Variants in MBD5 observed in about 807,000 individuals in gnomAD.
MBD5 encodes methyl-CpG-binding domain protein 5.
MBD5 carries 13 observed loss-of-function variants against 117.3 expected under a neutral mutation model. The observed-to-expected ratio is 0.11, with a 90% confidence interval of 0.07 to 0.18. The LOEUF is 0.18. MBD5 is among the 10% of genes least tolerant of loss of function. The pLI, the probability that MBD5 is intolerant of heterozygous loss-of-function variation, is 1.00. For synonymous variants in MBD5, 727 were observed against 766.4 expected, an observed-to-expected ratio of 0.95 and a Z score of 0.85; for missense variants, 1,879 against 2,093.8, an observed-to-expected ratio of 0.90 and a Z score of 2.00.
At chr2:148,219,913 A>G (rs1474427063) in intron 2 of MBD5, 1 of 152,214 alleles carries the variant, frequency 6.6e-6, no homozygotes, top group African/African-American at 2.4e-5. Context: ...GAGAATGGCT[A>G]AAGATCACCA....
chr2:148,504,343 C>T (rs529791977), intron 12 of MBD5, among the ~76,000 whole-genome samples: 12 of 152,208 alleles, frequency 7.9e-5, no homozygotes, highest in Non-Finnish European at 1.5e-5. Flanking sequence ...CATGTAATTG[C>T]AAATTCATCA....
In MBD5 at chr2:148,490,603, A is replaced by G. The variant is rs1157077126; in HGVS notation, c.4962+9A>G. On this transcript the variant is annotated intron_variant, in intron 11 of 13. Coordinates refer to ENST00000642680, the MANE Select transcript of MBD5 (RefSeq NM_001378120.1). ...GCCCCGAGGAAGGGAAGGTATACCA[A>G]TCTTTATCCATTGTCAAATACTAAC... The G allele has an allele frequency of 2.5e-6, 4 of 1,614,080 alleles. No homozygotes were observed. Among genetic ancestry groups the G allele is most frequent in the Non-Finnish European group, 3.4e-6 (4 of 1,179,998 alleles).
intron 1 of MBD5, among the ~76,000 whole-genome samples, chr2:148,105,485 C>T (rs1558927761): frequency 6.6e-6 from 1 of 152,118 alleles, no homozygotes; most frequent in Non-Finnish European, 1.5e-5. Context: ...TCCCAGTGTG[C>T]TGGGATTGCA....
At chr2:148,226,734 G>A (rs1699832765) in intron 2 of MBD5, among the ~76,000 whole-genome samples, 1 of 152,176 alleles carries the variant, frequency 6.6e-6, no homozygotes, top group South Asian at 2.1e-4. Context: ...CACCAGCAGT[G>A]TAAAAGTGTT....
chr2:148,478,835 T>G (rs904329596), intron 8 of MBD5, among the ~76,000 whole-genome samples: 1 of 152,242 alleles, frequency 6.6e-6, no homozygotes, highest in African/African-American at 2.4e-5. Flanking sequence ...GGATCCCAGC[T>G]GCCTTTTGGT....
intron 3 of MBD5, among the ~76,000 whole-genome samples, chr2:148,307,414 A>G (rs1322981822): frequency 6.6e-6 from 1 of 151,950 alleles, no homozygotes; most frequent in Non-Finnish European, 1.5e-5. Context: ...TTTTACAACC[A>G]TTTTACATCC....
intron 4 of MBD5, among the ~76,000 whole-genome samples, chr2:148,386,718 CA>C (rs60766324): frequency 4.4e-3 from 463 of 104,162 alleles, no homozygotes; most frequent in African/African-American, 0.015. Flanking sequence ...GACTCCGTCT[CA>C]AAAAAAAAAA....
chr2:148,182,625 A>G (rs929915435), intron 2 of MBD5, among the ~76,000 whole-genome samples: 2 of 152,216 alleles, frequency 1.3e-5, no homozygotes, highest in Non-Finnish European at 2.9e-5. Context: ...ATGTAAAACT[A>G]TCTGGTTCTG....
chr2:148,469,270 G>T lies in MBD5; in HGVS notation c.1327G>T (p.Val443Leu), dbSNP rs137977565. ...GTCCCCTTCTCCAGTGACATCCCCC[G>T]TGCACATGATGGGGACTGGAATTGG... ...SLSPSPVTSP[V>L]HMMGTGIGRI... The change falls in exon 8 of 14, where the codon GTG (valine) becomes TTG (leucine). Residue 443 changes from valine (V) to leucine (L), a missense_variant. Val to Leu is a conservative substitution (Grantham distance 32). Transcript: ENST00000642680. 2.7e-5 allele frequency: 43 copies of T among 1,613,656 alleles called. No individual in the cohort carries two copies. The highest frequency in any genetic ancestry group is 3.6e-5 in the Non-Finnish European group (42 of 1,179,918).
In MBD5 at chr2:148,021,552, A is replaced by T; in HGVS notation, c.-1057A>T. 1.8e-6 allele frequency: 1 copy of T among 542,872 alleles called. No homozygotes were observed. Among genetic ancestry groups the T allele is most frequent in the Non-Finnish European group, 3.5e-6 (1 of 281,820 alleles). The allele number at this position is 542,872 out of a possible 1,614,324, so 33.6% of individuals were successfully genotyped here. A position where few individuals can be genotyped will look rare whatever the true frequency, so the allele number is the denominator to read the frequency against. On this transcript the variant is annotated 5_prime_UTR_variant, in exon 1 of 14. Coordinates refer to ENST00000642680, the MANE Select transcript of MBD5 (RefSeq NM_001378120.1). ...GCCCTGGCTGGAGACATCTCACTAC[A>T]CCCAGGAGCAGCCACTTCCCCAGCT...
chr2:148,386,128 AAAAG>A (rs1261347958), intron 4 of MBD5, among the ~76,000 whole-genome samples: 3 of 152,156 alleles, frequency 2.0e-5, no homozygotes, highest in Non-Finnish European at 2.9e-5. Context: ...AAAAAAAAGA[AAAAG>A]AAAGGCTACA....
At chr2:148,470,728 A>G (rs1380506388) in intron 8 of MBD5, 5 of 485,202 alleles carry the variant, frequency 1.0e-5, no homozygotes, top group Non-Finnish European at 1.8e-5. Context: ...ACTTGGTTTT[A>G]TAACCATTGG....
intron 1 of MBD5, among the ~76,000 whole-genome samples, chr2:148,176,557 C>T (rs557968591): frequency 9.2e-5 from 14 of 151,746 alleles, no homozygotes; most frequent in Admixed American, 3.9e-4. Context: ...TGTAGGCGCA[C>T]ACCACCACAC....
At chr2:148,199,941 A>G (rs948571690) in intron 2 of MBD5, among the ~76,000 whole-genome samples, 1 of 152,226 alleles carries the variant, frequency 6.6e-6, no homozygotes, top group Admixed American at 6.5e-5. Context: ...CATGCCATCC[A>G]AATGAATGTT....
chr2:148,150,808 C>T (rs377593846), intron 1 of MBD5, among the ~76,000 whole-genome samples: 1 of 151,392 alleles, frequency 6.6e-6, no homozygotes, highest in Non-Finnish European at 1.5e-5. Context: ...TGAGACTTTG[C>T]TGAAGTTGCT....
At chr2:148,204,690 A>G (rs1475161765) in intron 2 of MBD5, among the ~76,000 whole-genome samples, 3 of 152,226 alleles carry the variant, frequency 2.0e-5, no homozygotes, top group Admixed American at 6.5e-5. Context: ...TAGAAAGGAA[A>G]GTGTTTAATA....
chr2:148,121,868 TAAAAG>T (rs530799529), intron 1 of MBD5, among the ~76,000 whole-genome samples: 13 of 152,154 alleles, frequency 8.5e-5, no homozygotes, highest in Non-Finnish European at 1.9e-4. Context: ...GGATATAAGT[TAAAAG>T]AAAGAAAGGA....
intron 1 of MBD5, among the ~76,000 whole-genome samples, chr2:148,101,816 G>T (rs1305231279): frequency 6.6e-6 from 1 of 152,044 alleles, no homozygotes. Context: ...TTACACTTCT[G>T]TTTGTTTTGT....
chr2:148,412,272 T>TTTTTTTG (rs946184910), intron 4 of MBD5, among the ~76,000 whole-genome samples: 16 of 144,584 alleles, frequency 1.1e-4, no homozygotes, highest in African/African-American at 3.9e-4. Flanking sequence ...AGTATACTTT[T>TTTTTTTG]TGTGTGTGTG....
Sources: gnomAD v4.1 joint callset for allele counts (sites outside exome capture counted in the v4.1 genomes callset) on GRCh38, gnomAD v4.1.1 for gene constraint, MANE v1.5 for transcripts, NCBI Gene and HGNC (gene_info 2026-07-23, HGNC 2026-07-21) for gene names.